The following CDH8 variants were observed in gnomAD, a reference collection of about 807,000 sequenced individuals.
The protein encoded by CDH8 is cadherin 8.
Under a neutral mutation model 68.1 loss-of-function variants are expected in CDH8, and 17 were observed. The observed-to-expected ratio is 0.25, with a 90% confidence interval of 0.17 to 0.37. The LOEUF (loss-of-function observed/expected upper bound fraction) is 0.37. Ranked by LOEUF, CDH8 falls within the 10% of genes least tolerant of loss-of-function variation. The probability of loss-of-function intolerance (pLI) is 1.00; values close to 1 mark genes in which losing one functional copy is unlikely to be tolerated. For missense variants in CDH8, 763 were observed against 999.3 expected, an observed-to-expected ratio of 0.76 and a Z score of 3.19; for synonymous variants, 372 against 365.1, an observed-to-expected ratio of 1.02 and a Z score of -0.21.
chr16:61,829,944 T>G (rs1962421350), intron 4 of CDH8, among the ~76,000 whole-genome samples: 1 of 151,850 alleles, frequency 6.6e-6, no homozygotes, highest in South Asian at 2.1e-4. Context: ...GATCCTCTTA[T>G]TTTTCTTTTT....
Position 61,672,311 on chromosome 16 carries a change from C to A in CDH8, c.1655-16590G>T, listed in dbSNP as rs114687342. Among the ~76,000 whole-genome samples, 106 of 152,174 alleles carry A rather than the reference C, an allele frequency of 7.0e-4. 2 individuals are homozygous for A. Among genetic ancestry groups the A allele is most frequent in the African/African-American group, 2.5e-3 (102 of 41,554 alleles). The stretch of plus-strand genomic sequence containing the variant: ...GAAAGGCTTATATTAGGTGCAATTT[C>A]TTTATGATGCATATTTCAGAATATT... On this transcript the variant is annotated intron_variant, in intron 10 of 11. Transcript: ENST00000577390.
intron 2 of CDH8, among the ~76,000 whole-genome samples, chr16:61,989,019 C>G (rs901575459): frequency 1.3e-5 from 2 of 152,056 alleles, no homozygotes; most frequent in Non-Finnish European, 2.9e-5. Flanking sequence ...CCTAAAAACA[C>G]AGTAGTAATT....
At chr16:61,845,519 A>C (rs1213393281) in intron 4 of CDH8, among the ~76,000 whole-genome samples, 1 of 151,656 alleles carries the variant, frequency 6.6e-6, no homozygotes, top group Non-Finnish European at 1.5e-5. Context: ...AAAAAAAAAA[A>C]AAACTATCTA....
chr16:61,656,582 C>G (rs868127735), intron 10 of CDH8, among the ~76,000 whole-genome samples: 1 of 152,126 alleles, frequency 6.6e-6, no homozygotes. Context: ...CTATTTACTA[C>G]CCGGAGGAGA....
In CDH8 at chr16:61,651,170, A is replaced by G. The variant is rs983993398; in HGVS notation, c.*2438T>C. The G allele has an allele frequency of 2.0e-5, 3 of 152,156 alleles. No homozygotes were observed. The highest frequency in any genetic ancestry group is 6.5e-5 in the Admixed American group (1 of 15,274). The allele number at this position is 152,156 out of a possible 1,614,324, so 9.4% of individuals were successfully genotyped here. ...GTCTGGTGTTCAAGAGATACATAAA[A>G]CATAATAATCTCTCCTTGGTTTGGA... is the stretch of plus-strand genomic sequence containing the variant. On this transcript the variant is annotated 3_prime_UTR_variant, in exon 12 of 12. Coordinates refer to ENST00000577390, the MANE Select transcript of CDH8 (RefSeq NM_001796.5).
At chr16:62,019,506 A>G (rs1162261422) in intron 2 of CDH8, among the ~76,000 whole-genome samples, 1 of 152,204 alleles carries the variant, frequency 6.6e-6, no homozygotes, top group African/African-American at 2.4e-5. Context: ...AAAACTTTTC[A>G]TACTTCAGAA....
rs376681635 is a variant in CDH8, at chr16:61,836,419, C to T, written c.668-11240G>A. Among the ~76,000 whole-genome samples the T allele has an allele frequency of 4.8e-4, 73 of 152,068 alleles. No individual in the cohort carries two copies. In the South Asian group the frequency reaches 0.013, roughly 28 times the overall value. On this transcript the variant is annotated intron_variant, in intron 4 of 11. Coordinates refer to ENST00000577390, the MANE Select transcript of CDH8 (RefSeq NM_001796.5). ...TTAAAAGATGACTATTAAAGATAAA[C>T]GCATGATAAAATATTTAGCCAATAA... is the stretch of plus-strand genomic sequence containing the variant.
At chr16:61,781,681 T>C (rs1229419525) in intron 8 of CDH8, among the ~76,000 whole-genome samples, 2 of 152,194 alleles carry the variant, frequency 1.3e-5, no homozygotes, top group Admixed American at 6.5e-5. Context: ...ACTATCCACA[T>C]TAAAGAAGAC....
At chr16:61,913,647 C>T (rs920092511) in intron 2 of CDH8, among the ~76,000 whole-genome samples, 4 of 151,984 alleles carry the variant, frequency 2.6e-5, no homozygotes, top group African/African-American at 9.7e-5. Context: ...CTCCCTTCTC[C>T]ATTCCACAAA....
intron 10 of CDH8, among the ~76,000 whole-genome samples, chr16:61,706,168 A>C (rs1964526584): frequency 6.6e-6 from 1 of 152,252 alleles, no homozygotes; most frequent in Non-Finnish European, 1.5e-5. Flanking sequence ...GAAAAGAGGA[A>C]AAACTTTACA....
intron 10 of CDH8, among the ~76,000 whole-genome samples, chr16:61,665,846 CTCCT>C (rs1258772043): frequency 1.1e-4 from 16 of 144,364 alleles, no homozygotes; most frequent in South Asian, 6.8e-4. Context: ...CCCTCCCTCC[CTCCT>C]TCCTTCCTTC....
At chr16:61,960,019 C>CAT (rs1965076214) in intron 2 of CDH8, among the ~76,000 whole-genome samples, 3 of 29,258 alleles carry the variant, frequency 1.0e-4, no homozygotes, top group African/African-American at 5.4e-4. Flanking sequence ...TATATATACA[C>CAT]ACATACACAC....
chr16:61,991,160 G>C (rs1965714001), intron 2 of CDH8, among the ~76,000 whole-genome samples: 1 of 152,070 alleles, frequency 6.6e-6, no homozygotes, highest in African/African-American at 2.4e-5. Flanking sequence ...AAACCAACTT[G>C]GCACGTTTGG....
rs1486581548 is a variant in CDH8, at chr16:61,650,698, TGTGTGTGTGAGAGA to T, written c.*2896_*2909del. On this transcript the variant is annotated 3_prime_UTR_variant, in exon 12 of 12. Transcript: ENST00000577390. ...GTGTGTGTGTGTGTGTGTGTGTGTG[TGTGTGTGTGAGAGA>T]GAGAGAGAGAGAGAGAGAGAAAGAG... 2.8e-5 allele frequency: 3 copies of T among 107,378 alleles called. No homozygotes were observed. The highest frequency in any genetic ancestry group is 1.2e-4 in the African/African-American group (3 of 24,034). The allele number at this position is 107,378 out of a possible 1,614,324, so 6.7% of individuals were successfully genotyped here.
chr16:61,994,894 A>G (rs1965783940), intron 2 of CDH8, among the ~76,000 whole-genome samples: 1 of 152,214 alleles, frequency 6.6e-6, no homozygotes, highest in Admixed American at 6.5e-5. Flanking sequence ...AAAAACAGCA[A>G]AATATCACCA....
At chr16:61,737,936 T>C (rs1959746684) in intron 8 of CDH8, among the ~76,000 whole-genome samples, 1 of 152,168 alleles carries the variant, frequency 6.6e-6, no homozygotes, top group South Asian at 2.1e-4. Flanking sequence ...AGCCAGAGTA[T>C]AAAGAGTAGT....
chr16:61,807,498 A>T (rs1961820871), intron 7 of CDH8, among the ~76,000 whole-genome samples: 2 of 151,570 alleles, frequency 1.3e-5, no homozygotes, highest in African/African-American at 2.4e-5. Flanking sequence ...AAAACAAAAA[A>T]CAAAAACAAA....
At chr16:61,926,001 C>T (rs1470709577) in intron 2 of CDH8, among the ~76,000 whole-genome samples, 1 of 152,170 alleles carries the variant, frequency 6.6e-6, no homozygotes, top group African/African-American at 2.4e-5. Context: ...ACATACATTA[C>T]TTCATCCTTA....
intron 10 of CDH8, among the ~76,000 whole-genome samples, chr16:61,670,368 ATAATAGGCATAAAT>A (rs1312171876): frequency 6.6e-6 from 1 of 152,082 alleles, no homozygotes; most frequent in African/African-American, 2.4e-5. Context: ...GAATAAATAC[ATAATAGGCATAAAT>A]GAATATGAGA....
Sources: gnomAD v4.1 joint callset for allele counts (sites outside exome capture counted in the v4.1 genomes callset) on GRCh38, gnomAD v4.1.1 for gene constraint, MANE v1.5 for transcripts, NCBI Gene and HGNC (gene_info 2026-07-23, HGNC 2026-07-21) for gene names.